NOTCH2NLC: variants seen among roughly 807,000 people sequenced by gnomAD.
The protein encoded by NOTCH2NLC is notch homolog 2 N-terminal-like protein C.
Under a neutral mutation model 17.7 loss-of-function variants are expected in NOTCH2NLC, and 4 were observed. That is an observed-to-expected ratio of 0.23 (90% CI 0.11 to 0.52). NOTCH2NLC has a LOEUF of 0.52. Among genes scored for constraint, NOTCH2NLC ranks in the 20% least tolerant of loss-of-function variants. The pLI, the probability that NOTCH2NLC is intolerant of heterozygous loss-of-function variation, is 0.96. For missense variants in NOTCH2NLC, 57 were observed against 207.2 expected, an observed-to-expected ratio of 0.28 and a Z score of 4.45; for synonymous variants, 18 against 86.0, an observed-to-expected ratio of 0.21 and a Z score of 4.38.
rs1330422184 is a variant in NOTCH2NLC at position 149,470,654 on chromosome 1, CTG to C, written c.*6504_*6505del. Reference sequence around the variant, plus strand: ...TGATGTGGTAGCATTTATCAGTACTCTGTGCCTTTTTATGGCTGAATAATATT... The same window carrying C: ...TGATGTGGTAGCATTTATCAGTACTCTGCCTTTTTATGGCTGAATAATATT... On this transcript the variant is annotated 3_prime_UTR_variant, in exon 5 of 5. Coordinates refer to ENST00000650865, the MANE Select transcript of NOTCH2NLC (RefSeq NM_001364013.2). Among the ~76,000 whole-genome samples, 1 of 124,032 alleles carries C rather than the reference CTG, an allele frequency of 8.1e-6. No homozygotes were observed. 81.4% of individuals were successfully genotyped at this position (124,032 alleles called of 152,430 possible).
intron 1 of NOTCH2NLC, among the ~76,000 whole-genome samples, chr1:149,429,289 C>T (rs2084430852): frequency 6.6e-6 from 1 of 150,536 alleles, no homozygotes; most frequent in Admixed American, 6.6e-5. Flanking sequence ...CTGGCCTCTA[C>T]TATTGGTAAA....
chr1:149,430,691 G>A (rs1253846293), intron 1 of NOTCH2NLC, among the ~76,000 whole-genome samples: 1 of 150,058 alleles, frequency 6.7e-6, no homozygotes, highest in Non-Finnish European at 1.5e-5. Flanking sequence ...GTAACAGCTG[G>A]AGATACTGAA....
In NOTCH2NLC at chr1:149,442,147, G is replaced by A. The variant is rs1352178372; in HGVS notation, c.209+11132G>A. Among the ~76,000 whole-genome samples, 7 of 150,200 alleles carry A rather than the reference G, an allele frequency of 4.7e-5. 1 individual carries two copies. The highest frequency in any genetic ancestry group is 8.9e-5 in the Non-Finnish European group (6 of 67,276). Reference sequence around the variant, plus strand: ...CTCAAGAAAACAGGCTCTCATGTTGGCCAGTTGTTTGGGATAGAAGATGGT... The same window carrying A: ...CTCAAGAAAACAGGCTCTCATGTTGACCAGTTGTTTGGGATAGAAGATGGT... On this transcript the variant is annotated intron_variant, in intron 2 of 4. Transcript: ENST00000650865.
At chr1:149,394,521 T>G (rs1371978090) in intron 1 of NOTCH2NLC, among the ~76,000 whole-genome samples, 5 of 151,044 alleles carry the variant, frequency 3.3e-5, no homozygotes, top group African/African-American at 1.2e-4. Flanking sequence ...ATATAATAAA[T>G]TCTCCACCTC....
intron 1 of NOTCH2NLC, among the ~76,000 whole-genome samples, chr1:149,422,432 A>G (rs2084383961): frequency 1.3e-5 from 2 of 149,794 alleles, no homozygotes; most frequent in South Asian, 4.3e-4. Flanking sequence ...AGAGAGAGAG[A>G]TGAGTGAGCC....
chr1:149,428,640 T>G (rs1416969023), intron 1 of NOTCH2NLC, among the ~76,000 whole-genome samples: 6 of 150,214 alleles, frequency 4.0e-5, no homozygotes, highest in African/African-American at 1.5e-4. Context: ...CATGTACTTA[T>G]AAGGAGGGAG....
intron 2 of NOTCH2NLC, among the ~76,000 whole-genome samples, chr1:149,454,678 A>G (rs1266677657): frequency 6.6e-6 from 1 of 150,802 alleles, no homozygotes; most frequent in Non-Finnish European, 1.5e-5. Flanking sequence ...ATCCCTTTGA[A>G]CTCTTCCCCA....
At chr1:149,408,157 CCTG>C (rs2084280327) in intron 1 of NOTCH2NLC, among the ~76,000 whole-genome samples, 1 of 99,184 alleles carries the variant, frequency 1.0e-5, no homozygotes, top group African/African-American at 3.7e-5. Flanking sequence ...TTTCATATGT[CCTG>C]CTAGTGGGTC....
chr1:149,460,310 G>A, intron 3 of NOTCH2NLC, among the ~76,000 whole-genome samples: 1 of 143,710 alleles, frequency 7.0e-6, no homozygotes, highest in Admixed American at 6.9e-5. Context: ...TCTTTTTGGT[G>A]TGTTCTGCAA....
intron 3 of NOTCH2NLC, among the ~76,000 whole-genome samples, chr1:149,461,320 A>T (rs1356320622): frequency 6.7e-6 from 1 of 149,168 alleles, no homozygotes; most frequent in Non-Finnish European, 1.5e-5. Context: ...CTCCACTGTA[A>T]ATAAGTGCCT....
chr1:149,441,048 C>T lies in NOTCH2NLC; in HGVS notation c.209+10033C>T, dbSNP rs1420520820. On this transcript the variant is annotated intron_variant, in intron 2 of 4. Transcript: ENST00000650865. ...CTTATACTTCTACCAGACAGAGAGG[C>T]GGTAGGCTTGTGGCCATGTTTTGCG... Among the ~76,000 whole-genome samples the T allele has an allele frequency of 2.2e-3, 338 of 150,452 alleles. 10 individuals carry two copies. The highest frequency in any genetic ancestry group is 7.9e-3 in the African/African-American group (323 of 41,010).
rs1311204571 is a variant in NOTCH2NLC at position 149,413,149 on chromosome 1, C to T, written c.136-17793C>T. On this transcript the variant is annotated intron_variant, in intron 1 of 4. Transcript: ENST00000650865. ...TTTTGAACTGCTGACCTCAAATGAT[C>T]CACCTGCCTCAGCCTCCCAGAGTGC... is the stretch of plus-strand genomic sequence containing the variant. Among the ~76,000 whole-genome samples the T allele has an allele frequency of 1.3e-4, 19 of 150,522 alleles. 3 individuals carry two copies. The highest frequency in any genetic ancestry group is 2.7e-4 in the Admixed American group (4 of 15,070).
intron 1 of NOTCH2NLC, chr1:149,406,605 G>C (rs2084269809): frequency 6.7e-6 from 1 of 149,754 alleles, no homozygotes; most frequent in African/African-American, 2.4e-5. Flanking sequence ...TTTGGAATCA[G>C]AGAGACTGGG....
rs1227600731 is a variant in NOTCH2NLC, at chr1:149,466,267, T to C, written c.*2114T>C. On this transcript the variant is annotated 3_prime_UTR_variant, in exon 5 of 5. Transcript: ENST00000650865. ...CAATATGTGTGTGTGTGTGTGTGTG[T>C]GTGTGTGTGGTATATATATATATAT... 1.4e-5 allele frequency: 2 copies of C among 147,866 alleles called. No homozygotes were observed. The highest frequency in any genetic ancestry group is 3.0e-5 in the Non-Finnish European group (2 of 66,494). 9.2% of individuals were successfully genotyped at this position (147,866 alleles called of 1,614,324 possible). A position where few individuals can be genotyped will look rare whatever the true frequency, so the allele number is the denominator to read the frequency against.
At chr1:149,416,719 G>A (rs1171747807) in intron 1 of NOTCH2NLC, among the ~76,000 whole-genome samples, 3 of 149,906 alleles carry the variant, frequency 2.0e-5, no homozygotes, top group Non-Finnish European at 1.5e-5. Flanking sequence ...AACAATTTCA[G>A]TCATAGGGTA....
At chr1:149,460,250 T>C (rs2084634289) in intron 3 of NOTCH2NLC, among the ~76,000 whole-genome samples, 1 of 149,572 alleles carries the variant, frequency 6.7e-6, no homozygotes, top group East Asian at 2.0e-4. Flanking sequence ...AGTAATGCCT[T>C]CTTCATAATT....
At chr1:149,398,181 G>T (rs1181747803) in intron 1 of NOTCH2NLC, among the ~76,000 whole-genome samples, 1 of 151,166 alleles carries the variant, frequency 6.6e-6, no homozygotes, top group Non-Finnish European at 1.5e-5. Context: ...CTTGTCTGCT[G>T]TCGTGAGCTG....
intron 1 of NOTCH2NLC, among the ~76,000 whole-genome samples, chr1:149,416,250 A>T (rs2101475928): frequency 1.2e-5 from 1 of 83,864 alleles, no homozygotes; most frequent in African/African-American, 4.7e-5. Flanking sequence ...ATGTGTCTGG[A>T]TAGTTTATTT....
chr1:149,421,403 G>A (rs1405067839), intron 1 of NOTCH2NLC, among the ~76,000 whole-genome samples: 13 of 148,678 alleles, frequency 8.7e-5, no homozygotes, highest in Admixed American at 7.4e-4. Context: ...GGAGGCTGAG[G>A]CAGGAGAATG....
Sources: allele counts gnomAD v4.1 joint callset (sites outside exome capture counted in the v4.1 genomes callset), GRCh38; gene constraint gnomAD v4.1.1; transcripts MANE v1.5; gene names NCBI Gene and HGNC (gene_info 2026-07-23, HGNC 2026-07-21).